The following ANKH variants were observed in gnomAD, a reference collection of about 807,000 sequenced individuals.
ANKH encodes the protein ANKH inorganic pyrophosphate transport regulator, also known as mineralization regulator ANKH.
Under a neutral mutation model 49.0 loss-of-function variants are expected in ANKH, and 15 were observed. The ratio of observed to expected loss-of-function variants is 0.31; its 90% confidence interval spans 0.20 to 0.47. ANKH has a LOEUF of 0.47. Ranked by LOEUF, ANKH falls within the 20% of genes least tolerant of loss-of-function variation. The probability of loss-of-function intolerance (pLI) is 1.00; values close to 1 mark genes in which losing one functional copy is unlikely to be tolerated. For synonymous variants in ANKH, 273 were observed against 260.0 expected (o/e 1.05, Z -0.48); for missense variants, 429 against 652.0 (o/e 0.66, Z 3.72).
chr5:14,819,871 T>TAACAACAAC (rs199545884), intron 1 of ANKH, among the ~76,000 whole-genome samples: 3 of 145,790 alleles, frequency 2.1e-5, no homozygotes, highest in African/African-American at 7.8e-5. Context: ...GTCTCAACAA[T>TAACAACAAC]AACAACAACA....
chr5:14,836,110 AC>A (rs1741645387), intron 1 of ANKH, among the ~76,000 whole-genome samples: 1 of 152,180 alleles, frequency 6.6e-6, no homozygotes, highest in Non-Finnish European at 1.5e-5. Flanking sequence ...TATTGATGGG[AC>A]GTATCTCAAA....
intron 1 of ANKH, among the ~76,000 whole-genome samples, chr5:14,822,519 C>T (rs1315148765): frequency 6.6e-6 from 1 of 152,108 alleles, no homozygotes; most frequent in Non-Finnish European, 1.5e-5. Context: ...GGCCCATCTG[C>T]TCAAATAAGG....
chr5:14,866,405 C>A (rs953506226), intron 1 of ANKH, among the ~76,000 whole-genome samples: 1 of 152,194 alleles, frequency 6.6e-6, no homozygotes, highest in African/African-American at 2.4e-5. Context: ...CCTTCAAGGT[C>A]TTCACAGCAA....
chr5:14,839,160 G>A (rs2126607524), intron 1 of ANKH, among the ~76,000 whole-genome samples: 1 of 152,194 alleles, frequency 6.6e-6, no homozygotes, highest in Non-Finnish European at 1.5e-5. Flanking sequence ...ACGAGGTAGT[G>A]ATGTATGTAT....
intron 1 of ANKH, among the ~76,000 whole-genome samples, chr5:14,847,099 G>C (rs140650607): frequency 1.3e-5 from 2 of 151,658 alleles, no homozygotes; most frequent in Non-Finnish European, 2.9e-5. Flanking sequence ...CTGCATCAAA[G>C]GCAAAAAGCG....
intron 1 of ANKH, among the ~76,000 whole-genome samples, chr5:14,808,187 C>T (rs1322966357): frequency 6.6e-6 from 1 of 152,186 alleles, no homozygotes; most frequent in African/African-American, 2.4e-5. Flanking sequence ...TCATACCACT[C>T]AGCAATAACT....
chr5:14,748,076 T>A (rs1738596023), intron 6 of ANKH, among the ~76,000 whole-genome samples: 2 of 152,190 alleles, frequency 1.3e-5, no homozygotes, highest in South Asian at 2.1e-4. Context: ...CTCTAATGTA[T>A]AATTTGTCCT....
intron 1 of ANKH, among the ~76,000 whole-genome samples, chr5:14,850,212 G>T (rs1742086031): frequency 6.6e-6 from 1 of 152,210 alleles, no homozygotes; most frequent in Non-Finnish European, 1.5e-5. Context: ...TCCAGATGTG[G>T]CCTGAGAGGA....
Position 14,755,894 on chromosome 5 carries a change from C to T in ANKH, c.483G>A (p.Val161=). 1 of 1,614,092 alleles carries T rather than the reference C, an allele frequency of 6.2e-7. No individual in the cohort carries two copies. The highest frequency in any genetic ancestry group is 8.5e-7 in the Non-Finnish European group (1 of 1,179,960). ...TGACATCTGAGATTGAGGCACATCC[C>T]ACCAGGAAACTGTATTTGTGTTTTA... ...ILLKHKYSFL[V]GCASISDVIA... is the part of the protein sequence containing the mutation. The change falls in exon 4 of 12, where the codon GTG becomes GTA. Residue 161 remains valine, a synonymous_variant. Transcript: ENST00000284268.
rs1737176038 is a variant in ANKH at position 14,711,204 on chromosome 5, TTCTCC to T, written c.1467_1471del (p.Glu490Ter). The T allele has an allele frequency of 6.2e-7, 1 of 1,613,746 alleles. No individual in the cohort carries two copies. ...CCCATGGCGTCCCGTGCCTTATTCA[TTCTCC>T]TCTCTCATTTCCACGATGTCTGTCA... On this transcript the variant is annotated frameshift_variant, in exon 12 of 12. Transcript: ENST00000284268. LOFTEE classifies it high-confidence loss of function.
intron 1 of ANKH, among the ~76,000 whole-genome samples, chr5:14,793,670 C>T (rs1740277894): frequency 6.6e-6 from 1 of 152,214 alleles, no homozygotes; most frequent in East Asian, 1.9e-4. Context: ...TTCACTGCTG[C>T]AGCTCCTCTT....
At chr5:14,823,268 A>T (rs753336419) in intron 1 of ANKH, among the ~76,000 whole-genome samples, 2 of 152,210 alleles carry the variant, frequency 1.3e-5, no homozygotes, top group Non-Finnish European at 2.9e-5. Flanking sequence ...CAAGAAAATA[A>T]GTTTAGTTCA....
chr5:14,711,609 C>T (rs565552798), intron 11 of ANKH, among the ~76,000 whole-genome samples: 48 of 152,324 alleles, frequency 3.2e-4, no homozygotes, highest in African/African-American at 9.1e-4. Context: ...ATGAGGGCTG[C>T]GCTCTCCCCG....
chr5:14,746,438 G>A (rs1056971338), intron 6 of ANKH, among the ~76,000 whole-genome samples: 1 of 152,092 alleles, frequency 6.6e-6, no homozygotes. Flanking sequence ...CAGTTCCTGG[G>A]TAGGGGCCAC....
chr5:14,839,553 G>T (rs1435001716), intron 1 of ANKH, among the ~76,000 whole-genome samples: 1 of 149,922 alleles, frequency 6.7e-6, no homozygotes, highest in Middle Eastern at 3.5e-3. Context: ...TTCGTCTTCA[G>T]TATAAGAAAG....
In ANKH at chr5:14,871,465, G is replaced by A; in HGVS notation, c.-18C>T. On this transcript the variant is annotated 5_prime_UTR_variant, in exon 1 of 12. Coordinates refer to ENST00000284268, the MANE Select transcript of ANKH (RefSeq NM_054027.6). ...TTCACCATAGTCCCCGCCGTGGGCT[G>A]ACCCCACACACATCTGCTGCCGCGA... The A allele has an allele frequency of 6.2e-7, 1 of 1,604,054 alleles. No individual in the cohort carries two copies. The highest frequency in any genetic ancestry group is 8.5e-7 in the Non-Finnish European group (1 of 1,172,668).
At chr5:14,819,997 A>G (rs1280153411) in intron 1 of ANKH, among the ~76,000 whole-genome samples, 1 of 152,164 alleles carries the variant, frequency 6.6e-6, no homozygotes, top group Non-Finnish European at 1.5e-5. Context: ...TGGGAGACAC[A>G]TGCCCATATA....
At chr5:14,841,850 C>T (rs1170540199) in intron 1 of ANKH, among the ~76,000 whole-genome samples, 2 of 152,126 alleles carry the variant, frequency 1.3e-5, no homozygotes, top group Non-Finnish European at 2.9e-5. Flanking sequence ...CTATTTGTGA[C>T]CGGCTTATTT....
chr5:14,730,499 C>G (rs867541022), intron 8 of ANKH, among the ~76,000 whole-genome samples: 2 of 152,310 alleles, frequency 1.3e-5, no homozygotes, highest in African/African-American at 4.8e-5. Flanking sequence ...CAGAAGGCAT[C>G]TGAAGGCCTC....
Sources: gnomAD v4.1 joint callset for allele counts (sites outside exome capture counted in the v4.1 genomes callset) on GRCh38, gnomAD v4.1.1 for gene constraint, MANE v1.5 for transcripts, NCBI Gene and HGNC (gene_info 2026-07-23, HGNC 2026-07-21) for gene names.